CDKAL1: variants seen among roughly 807,000 people sequenced by gnomAD.
CDKAL1 encodes threonylcarbamoyladenosine tRNA methylthiotransferase.
In CDKAL1, 32 loss-of-function variants were observed where a neutral mutation model predicts 68.2. The observed-to-expected ratio is 0.47, with a 90% confidence interval of 0.35 to 0.63. The LOEUF (loss-of-function observed/expected upper bound fraction) is 0.63. Among genes scored for constraint, CDKAL1 ranks in the 30% least tolerant of loss-of-function variants. The probability of loss-of-function intolerance (pLI) is 0.00; values close to 1 mark genes in which losing one functional copy is unlikely to be tolerated. For synonymous variants in CDKAL1, 234 were observed against 244.3 expected (o/e 0.96, Z 0.39); for missense variants, 606 against 696.7 (o/e 0.87, Z 1.47).
chr6:20,837,011 A>G (rs1777978634), intron 8 of CDKAL1, among the ~76,000 whole-genome samples: 1 of 152,184 alleles, frequency 6.6e-6, no homozygotes, highest in South Asian at 2.1e-4. Context: ...AGTAATCTCC[A>G]AGTCAAAGAT....
chr6:20,680,447 T>A (rs9348441), intron 5 of CDKAL1, among the ~76,000 whole-genome samples: 38,696 of 152,162 alleles, frequency 0.25, 5,157 homozygotes, highest in East Asian at 0.38. Flanking sequence ...TATTTGAAAT[T>A]TCTTACAAAT....
chr6:20,972,417 A>G (rs553663755), intron 10 of CDKAL1, among the ~76,000 whole-genome samples: 1 of 152,154 alleles, frequency 6.6e-6, no homozygotes, highest in African/African-American at 2.4e-5. Context: ...GGCACCAGCT[A>G]TTCTTCTTTT....
At chr6:20,756,862 T>TCCCC (rs1432387968) in intron 6 of CDKAL1, 1 of 43,562 alleles carries the variant, frequency 2.3e-5, no homozygotes. Context: ...TCCCCTTCCT[T>TCCCC]CCTTCCTTCC....
chr6:20,905,875 A>C (rs1241150606), intron 9 of CDKAL1, among the ~76,000 whole-genome samples: 1 of 58,772 alleles, frequency 1.7e-5, no homozygotes, highest in Non-Finnish European at 3.2e-5. Context: ...TGAGTGAGAT[A>C]GAAAATAAGA....
chr6:20,911,339 G>A (rs960449765), intron 9 of CDKAL1, among the ~76,000 whole-genome samples: 2 of 152,216 alleles, frequency 1.3e-5, no homozygotes, highest in African/African-American at 4.8e-5. Flanking sequence ...TTCTAGACAA[G>A]AAAGATGCCC....
At chr6:20,827,565 C>G (rs78074542) in intron 8 of CDKAL1, among the ~76,000 whole-genome samples, 195 of 152,102 alleles carry the variant, frequency 1.3e-3, no homozygotes, top group East Asian at 7.7e-3. Flanking sequence ...AAGCTAAACA[C>G]TTTTCATTAT....
chr6:20,933,365 G>T (rs754144714), intron 9 of CDKAL1, among the ~76,000 whole-genome samples: 1 of 152,194 alleles, frequency 6.6e-6, no homozygotes, highest in Non-Finnish European at 1.5e-5. Flanking sequence ...TAGCCAAATA[G>T]GTGGCACTGT....
At chr6:21,175,777 T>C (rs557867868) in intron 13 of CDKAL1, among the ~76,000 whole-genome samples, 8 of 152,240 alleles carry the variant, frequency 5.3e-5, no homozygotes, top group Non-Finnish European at 7.3e-5. Flanking sequence ...ATATTTCATA[T>C]TGATTTAGCA....
chr6:20,571,352 TG>T (rs146580756), intron 4 of CDKAL1, among the ~76,000 whole-genome samples: 39,719 of 152,042 alleles, frequency 0.26, 5,459 homozygotes, highest in Middle Eastern at 0.36. Flanking sequence ...TGTTGTGTTA[TG>T]TATTCAGCAG....
At chr6:20,831,210 C>T (rs1378529319) in intron 8 of CDKAL1, among the ~76,000 whole-genome samples, 1 of 152,116 alleles carries the variant, frequency 6.6e-6, no homozygotes, top group Non-Finnish European at 1.5e-5. Flanking sequence ...GCATAAAAAT[C>T]TGTGCTTCAG....
At chr6:20,794,262 G>T (rs1289673955) in intron 8 of CDKAL1, among the ~76,000 whole-genome samples, 1 of 152,086 alleles carries the variant, frequency 6.6e-6, no homozygotes, top group African/African-American at 2.4e-5. Context: ...TGAGAAAGAA[G>T]TAGTTGAATT....
intron 5 of CDKAL1, among the ~76,000 whole-genome samples, chr6:20,664,734 A>G (rs1403373961): frequency 6.6e-6 from 1 of 152,160 alleles, no homozygotes; most frequent in Non-Finnish European, 1.5e-5. Context: ...GTATTCATTG[A>G]GCAAATTCTA....
intron 12 of CDKAL1, among the ~76,000 whole-genome samples, chr6:21,085,897 C>T (rs972715231): frequency 6.6e-6 from 1 of 152,034 alleles, no homozygotes; most frequent in African/African-American, 2.4e-5. Context: ...AGGCTGCAGG[C>T]AGGAATTAAG....
intron 9 of CDKAL1, among the ~76,000 whole-genome samples, chr6:20,860,933 A>AT (rs70990075): frequency 0.12 from 15,540 of 134,082 alleles, 1,031 homozygotes; most frequent in African/African-American, 0.17. Flanking sequence ...AGTGTGGTCT[A>AT]TTTTTTTTTT....
At chr6:20,613,663 A>G (rs952670891) in intron 4 of CDKAL1, among the ~76,000 whole-genome samples, 9 of 148,862 alleles carry the variant, frequency 6.0e-5, no homozygotes, top group African/African-American at 2.2e-4. Context: ...ATATTTATAT[A>G]TTTATATATA....
At chr6:21,013,307 TTC>T (rs1349286534) in intron 11 of CDKAL1, among the ~76,000 whole-genome samples, 1 of 152,208 alleles carries the variant, frequency 6.6e-6, no homozygotes, top group South Asian at 2.1e-4. Context: ...TTTTCTTTCT[TTC>T]TTTCTTTTTT....
intron 8 of CDKAL1, among the ~76,000 whole-genome samples, chr6:20,840,190 G>A (rs1354250993): frequency 6.6e-6 from 1 of 152,180 alleles, no homozygotes; most frequent in South Asian, 2.1e-4. Flanking sequence ...CAAGATTGCT[G>A]TGAGGGTAAA....
chr6:21,077,137 T>A (rs74682703), intron 12 of CDKAL1, among the ~76,000 whole-genome samples: 1 of 131,990 alleles, frequency 7.6e-6, no homozygotes, highest in Non-Finnish European at 1.6e-5. Flanking sequence ...TTTCAACCTA[T>A]ATATATAGAA....
chr6:20,718,915 G>A (rs1297902911), intron 5 of CDKAL1, among the ~76,000 whole-genome samples: 1 of 152,068 alleles, frequency 6.6e-6, no homozygotes, highest in African/African-American at 2.4e-5. Context: ...CCTACCTCTA[G>A]GGGCAAATAT....
Sources: allele counts gnomAD v4.1 joint callset (sites outside exome capture counted in the v4.1 genomes callset), GRCh38; gene constraint gnomAD v4.1.1; transcripts MANE v1.5; gene names NCBI Gene and HGNC (gene_info 2026-07-23, HGNC 2026-07-21).